PLCXD1: variants seen among roughly 807,000 people sequenced by gnomAD.
PLCXD1 encodes phosphatidylinositol specific phospholipase C X domain containing 1.
In PLCXD1, 45 loss-of-function variants were observed where a neutral mutation model predicts 37.8. The ratio of observed to expected loss-of-function variants is 1.19; its 90% CI spans 0.94 to 1.53. The LOEUF is 1.53. Ranked by LOEUF, PLCXD1 falls within the 40% of genes most tolerant of loss-of-function variation. The pLI, the probability that PLCXD1 is intolerant of heterozygous loss-of-function variation, is 0.00. For missense variants in PLCXD1, 539 were observed against 454.7 expected, an observed-to-expected ratio of 1.19 and a Z score of -1.69; for synonymous variants, 246 against 206.9, an observed-to-expected ratio of 1.19 and a Z score of -1.62.
At position 299,430 on chromosome X, in the gene PLCXD1, T is replaced by C. The variant is rs1569338513; in HGVS notation, c.*95T>C. 3 of 899,672 alleles carry C rather than the reference T, an allele frequency of 3.3e-6. No individual in the cohort carries two copies. The highest frequency in any genetic ancestry group is 1.6e-5 in the African/African-American group (1 of 61,310). 55.7% of individuals were successfully genotyped at this position (899,672 alleles called of 1,614,324 possible). A position where few individuals can be genotyped will look rare whatever the true frequency, so the allele number is the denominator to read the frequency against. ...TGTTTGGGCCAAATGTTGGTGATCA[T>C]AGGACCGATGATAATACGTTTTCAT... On this transcript the variant is annotated 3_prime_UTR_variant, in exon 7 of 7. Transcript: ENST00000381657.
intron 1 of PLCXD1, chrX:283,485 A>C (rs1248217938): frequency 2.0e-5 from 3 of 149,216 alleles, no homozygotes; most frequent in Non-Finnish European, 4.4e-5. Flanking sequence ...CGTAATATGC[A>C]AATGTAGGGC....
Position 288,823 on chromosome X carries a change from TGCCCTGCATCACGC to T in PLCXD1, c.225_238del (p.Ile76ArgfsTer123), listed in dbSNP as rs1422792727. On this transcript the variant is annotated frameshift_variant, in exon 3 of 7. Transcript: ENST00000381657. LOFTEE classifies it high-confidence loss of function. ...CTGCTGCAGCTGCTGAACAAGGCCT[TGCCCTGCATCACGC>T]GCCCTGTCGTGCTGAAATGGTCCGT... 5.0e-6 allele frequency: 8 copies of T among 1,612,958 alleles called. No homozygotes were observed. Among genetic ancestry groups the T allele is most frequent in the Non-Finnish European group, 6.8e-6 (8 of 1,179,132 alleles).
upstream of PLCXD1, among the ~76,000 whole-genome samples, chrX:278,568 G>T (rs1269498942): frequency 6.6e-6 from 1 of 151,930 alleles, no homozygotes; most frequent in Non-Finnish European, 1.5e-5. Context: ...GTGAAACCCT[G>T]TCTCTACTAA....
chrX:293,236 G>C lies in PLCXD1; in HGVS notation c.733+18G>C, dbSNP rs766851268. 1.9e-6 allele frequency: 3 copies of C among 1,599,532 alleles called. No individual in the cohort carries two copies. The highest frequency in any genetic ancestry group is 2.6e-6 in the Non-Finnish European group (3 of 1,170,418). The stretch of plus-strand genomic sequence containing the variant: ...CCGCCCAGGTACCAGGTCGCCCCTC[G>C]TGGGGGTAGATTCCACACAGCCTCC... On this transcript the variant is annotated intron_variant, in intron 6 of 6. Transcript: ENST00000381657.
At chrX:296,868 C>T (rs1338169598) in intron 6 of PLCXD1, among the ~76,000 whole-genome samples, 37 of 148,792 alleles carry the variant, frequency 2.5e-4, no homozygotes, top group African/African-American at 8.8e-4. Context: ...TCTTTGGGGA[C>T]ATTATTCTGT....
Position 299,574 on chromosome X carries a change from A to G in PLCXD1, c.*239A>G. On this transcript the variant is annotated 3_prime_UTR_variant, in exon 7 of 7. Transcript: ENST00000381657. ...GGAGCTTGAGAGCAGCCTGACCAACATGGTGAAATCCCATCTCTACTAAAA... is the reference window on the plus strand; with the variant it reads ...GGAGCTTGAGAGCAGCCTGACCAACGTGGTGAAATCCCATCTCTACTAAAA... 1.7e-6 allele frequency: 1 copy of G among 587,370 alleles called. No individual in the cohort carries two copies. The highest frequency in any genetic ancestry group is 1.9e-5 in the African/African-American group (1 of 53,558). The allele number at this position is 587,370 out of a possible 1,614,324, so 36.4% of individuals were successfully genotyped here.
At chrX:279,810 T>C (rs1185095707), upstream of PLCXD1, among the ~76,000 whole-genome samples, 1 of 151,240 alleles carries the variant, frequency 6.6e-6, no homozygotes, top group African/African-American at 2.4e-5. Flanking sequence ...GAGTTATTAG[T>C]AGAAAGGAAT....
chrX:296,584 G>A (rs998913088), intron 6 of PLCXD1, among the ~76,000 whole-genome samples: 1 of 152,214 alleles, frequency 6.6e-6, no homozygotes, highest in African/African-American at 2.4e-5. Context: ...TTCCGGCTCA[G>A]CAGATGTAGG....
intron 3 of PLCXD1, among the ~76,000 whole-genome samples, chrX:290,424 C>T (rs184582567): frequency 0.073 from 8,431 of 115,356 alleles, 618 homozygotes; most frequent in African/African-American, 0.21. Flanking sequence ...AGCGAGACTC[C>T]GTCTCAAAAA....
intron 6 of PLCXD1, among the ~76,000 whole-genome samples, chrX:295,101 G>A (rs1413623124): frequency 6.6e-6 from 1 of 151,438 alleles, no homozygotes; most frequent in Non-Finnish European, 1.5e-5. Flanking sequence ...ACCCGGGGGC[G>A]GAGGCTGCCG....
chrX:293,119 C>T lies in PLCXD1; in HGVS notation c.634C>T (p.His212Tyr). 1.9e-6 allele frequency: 3 copies of T among 1,612,302 alleles called. No individual in the cohort carries two copies. Among genetic ancestry groups the T allele is most frequent in the Non-Finnish European group, 2.5e-6 (3 of 1,179,568 alleles). The change falls in exon 6 of 7, where the codon CAC becomes TAC. Residue 212 changes from histidine (H) to tyrosine (Y), a missense_variant. Transcript: ENST00000381657. ...AGACGAGAGCTCCTTGCGCCGGCAC[C>T]ACGAGCTGTGGCCAGGAGTCCCCTA... is the stretch of plus-strand genomic sequence containing the variant. ...YEDESSLRRH[H>Y]ELWPGVPYWW...
At chrX:286,276 G>A (rs1365485589) in intron 2 of PLCXD1, among the ~76,000 whole-genome samples, 1 of 152,072 alleles carries the variant, frequency 6.6e-6, no homozygotes, top group African/African-American at 2.4e-5. Context: ...TGTTGGTCAA[G>A]CTGGTCTCGA....
At position 300,458 on chromosome X, in the gene PLCXD1, GTATA is replaced by G. The variant is rs200559091; in HGVS notation, c.*1125_*1128del. On this transcript the variant is annotated 3_prime_UTR_variant, in exon 7 of 7. Transcript: ENST00000381657. ...TATATGTATGTATGTTTATACATGTGTATATGTGTGTGTGTGTGTGTATATGTGT... is the reference window on the plus strand; with the variant it reads ...TATATGTATGTATGTTTATACATGTGTGTGTGTGTGTGTGTGTATATGTGT... 30 of 143,604 alleles carry G rather than the reference GTATA, an allele frequency of 2.1e-4. No individual in the cohort carries two copies. The highest frequency in any genetic ancestry group is 7.9e-4 in the African/African-American group (29 of 36,680). The allele number at this position is 143,604 out of a possible 1,614,324, so 8.9% of individuals were successfully genotyped here. A position where few individuals can be genotyped will look rare whatever the true frequency, so the allele number is the denominator to read the frequency against.
In PLCXD1 at chrX:281,520, A is replaced by C. The variant is rs1268607220; in HGVS notation, c.-186A>C. 6.6e-6 allele frequency: 1 copy of C among 152,484 alleles called. No homozygotes were observed. Among genetic ancestry groups the C allele is most frequent in the Non-Finnish European group, 1.5e-5 (1 of 68,258 alleles). The allele number at this position is 152,484 out of a possible 1,614,324, so 9.4% of individuals were successfully genotyped here. A position where few individuals can be genotyped will look rare whatever the true frequency, so the allele number is the denominator to read the frequency against. On this transcript the variant is annotated 5_prime_UTR_variant, in exon 1 of 7. Coordinates refer to ENST00000381657, the MANE Select transcript of PLCXD1 (RefSeq NM_018390.4). ...CTGGCCTCAGTGTGGAAGAGAAGGC[A>C]GCAGGATTATTACAGAACCTTGTGA...
In PLCXD1 at chrX:293,922, G is replaced by A. The variant is rs935275112; in HGVS notation, c.733+704G>A. Among the ~76,000 whole-genome samples the A allele has an allele frequency of 6.0e-4, 92 of 152,340 alleles. 1 individual carries two copies. Among genetic ancestry groups the A allele is most frequent in the African/African-American group, 2.1e-3 (87 of 41,578 alleles). Reference sequence around the variant, plus strand: ...GAAACAGGGTCTCTCCTTTTAGGACGATGAGAATGTTCTGGAACTAGGGAG... The same window carrying A: ...GAAACAGGGTCTCTCCTTTTAGGACAATGAGAATGTTCTGGAACTAGGGAG... On this transcript the variant is annotated intron_variant, in intron 6 of 6. Transcript: ENST00000381657.
At chrX:282,958 ATATATGTATATAT>A (rs983977430) in intron 1 of PLCXD1, among the ~76,000 whole-genome samples, 1 of 142,280 alleles carries the variant, frequency 7.0e-6, no homozygotes, top group Non-Finnish European at 1.5e-5. Context: ...TATATATATT[ATATATGTATATAT>A]TATATGTATA....
rs1186053009 is a variant in PLCXD1 at position 284,111 on chromosome X, G to A, written c.-21-56G>A. 5.9e-5 allele frequency: 85 copies of A among 1,451,176 alleles called. No individual in the cohort carries two copies. In the South Asian group the frequency reaches 7.8e-4, roughly 13 times the overall value. 89.9% of individuals were successfully genotyped at this position (1,451,176 alleles called of 1,614,324 possible). ...TTGTCAAGTTGGCCAGGCTGGTCTC[G>A]AACTCCTGACCTGAAGTCACCGTAA... On this transcript the variant is annotated intron_variant, in intron 1 of 6. Coordinates refer to ENST00000381657, the MANE Select transcript of PLCXD1 (RefSeq NM_018390.4).
chrX:283,585 G>C (rs2069346514), intron 1 of PLCXD1: 1 of 144,584 alleles, frequency 6.9e-6, no homozygotes, highest in Non-Finnish European at 1.5e-5. Flanking sequence ...CCCGGGTGGG[G>C]GCGGCCGTGG....
At chrX:282,807 CTTA>C (rs2069310183) in intron 1 of PLCXD1, among the ~76,000 whole-genome samples, 1 of 147,528 alleles carries the variant, frequency 6.8e-6, no homozygotes. Context: ...GGTCACTTCC[CTTA>C]TTTTCAACAG....
Sources: gnomAD v4.1 joint callset for allele counts (sites outside exome capture counted in the v4.1 genomes callset) on GRCh38, gnomAD v4.1.1 for gene constraint, MANE v1.5 for transcripts, NCBI Gene and HGNC (gene_info 2026-07-23, HGNC 2026-07-21) for gene names.